Variants in SYNJ2BP observed in about 807,000 individuals in gnomAD.
SYNJ2BP encodes synaptojanin 2 binding protein.
SYNJ2BP carries 10 observed loss-of-function variants against 16.9 expected under a neutral mutation model. That is an observed-to-expected ratio of 0.59 (90% confidence interval 0.36 to 1.00). The LOEUF is 1.00. SYNJ2BP is among the 50% of genes least tolerant of loss of function. The pLI, the probability that SYNJ2BP is intolerant of heterozygous loss-of-function variation, is 0.01. For synonymous variants in SYNJ2BP, 54 were observed against 68.4 expected (o/e 0.79, Z 1.04); for missense variants, 162 against 186.7 (o/e 0.87, Z 0.77).
chr14:70,391,528 G>A (rs1887980507), intron 1 of SYNJ2BP, among the ~76,000 whole-genome samples: 1 of 152,140 alleles, frequency 6.6e-6, no homozygotes, highest in African/African-American at 2.4e-5. Context: ...TGAACAAGGG[G>A]GCCAAGGCCA....
At position 70,387,830 on chromosome 14, in the gene SYNJ2BP, CA is replaced by C. The variant is rs1224467128; in HGVS notation, c.201+639del. On this transcript the variant is annotated intron_variant, in intron 2 of 3. Transcript: ENST00000256366. Reference sequence around the variant, plus strand: ...TGGGTGACAGAGCAAGAATCTATCTCAAAAAAAAAAAAAAAAGGATCTTTTC... The same window carrying C: ...TGGGTGACAGAGCAAGAATCTATCTCAAAAAAAAAAAAAAAGGATCTTTTC... 5.3e-3 allele frequency among the ~76,000 whole-genome samples: 521 copies of C among 98,198 alleles called. 2 individuals are homozygous for C. The highest frequency in any genetic ancestry group is 8.2e-3 in the Admixed American group (76 of 9,260). 64.4% of individuals were successfully genotyped at this position (98,198 alleles called of 152,430 possible).
intron 1 of SYNJ2BP, among the ~76,000 whole-genome samples, chr14:70,389,542 C>G (rs141731202): frequency 1.3e-5 from 2 of 152,178 alleles, no homozygotes; most frequent in African/African-American, 4.8e-5. Flanking sequence ...GGTTGAGTAT[C>G]CCTTATCCAA....
At chr14:70,407,962 C>T (rs1030815563) in intron 1 of SYNJ2BP, among the ~76,000 whole-genome samples, 1 of 152,096 alleles carries the variant, frequency 6.6e-6, no homozygotes, top group Non-Finnish European at 1.5e-5. Context: ...CAATATAGTA[C>T]CTAGTACATA....
chr14:70,395,710 G>C (rs892711551), intron 1 of SYNJ2BP, among the ~76,000 whole-genome samples: 7 of 152,028 alleles, frequency 4.6e-5, no homozygotes, highest in African/African-American at 1.7e-4. Flanking sequence ...TCACAATGTC[G>C]TATAATCATC....
At chr14:70,378,087 T>C (rs1887671443) in intron 2 of SYNJ2BP, among the ~76,000 whole-genome samples, 1 of 97,830 alleles carries the variant, frequency 1.0e-5, no homozygotes, top group South Asian at 4.2e-4. Flanking sequence ...TATCTTGGCA[T>C]ATGAACACTT....
chr14:70,414,368 G>A (rs1401117065), intron 1 of SYNJ2BP, among the ~76,000 whole-genome samples: 1 of 152,144 alleles, frequency 6.6e-6, no homozygotes, highest in Non-Finnish European at 1.5e-5. Context: ...ATAAATATGT[G>A]ATACAGAAAT....
intron 1 of SYNJ2BP, among the ~76,000 whole-genome samples, chr14:70,399,606 C>A (rs1888190812): frequency 6.6e-6 from 1 of 152,234 alleles, no homozygotes. Flanking sequence ...CGCAGCCACT[C>A]CTGCTGTCAC....
rs539802773 is a variant in SYNJ2BP, at chr14:70,416,321, T to C, written c.64+579A>G. On this transcript the variant is annotated intron_variant, in intron 1 of 3. Coordinates refer to ENST00000256366, the MANE Select transcript of SYNJ2BP (RefSeq NM_018373.3). ...TAAGATTTAACTTTTTATTTTCTTT[T>C]TTTTTTTTTTTTTTAAAGCCCTGGG... Among the ~76,000 whole-genome samples, 449 of 148,216 alleles carry C rather than the reference T, an allele frequency of 3.0e-3. 3 individuals are homozygous for C. Among genetic ancestry groups the C allele is most frequent in the Non-Finnish European group, 5.1e-3 (342 of 66,990 alleles).
chr14:70,399,889 G>A (rs181782445), intron 1 of SYNJ2BP, among the ~76,000 whole-genome samples: 48 of 152,240 alleles, frequency 3.2e-4, no homozygotes, highest in Non-Finnish European at 5.9e-4. Context: ...GCCATCATCC[G>A]AGGCTCCATT....
At position 70,388,569 on chromosome 14, in the gene SYNJ2BP, C is replaced by A; in HGVS notation, c.102G>T (p.Gln34His). The change falls in exon 2 of 4, where the codon CAG becomes CAT. Residue 34 changes from glutamine to histidine, a missense_variant. Coordinates refer to ENST00000256366, the MANE Select transcript of SYNJ2BP (RefSeq NM_018373.3). ...GFNIVGGTDQ[Q>H]YVSNDSGIYV... The stretch of plus-strand genomic sequence containing the variant: ...AGATGCCACTGTCGTTGGAGACATA[C>A]TGCTGATCTGTCCCACCGACGATGT... 1 of 1,587,256 alleles carries A rather than the reference C, an allele frequency of 6.3e-7. No homozygotes were observed. The highest frequency in any genetic ancestry group is 8.6e-7 in the Non-Finnish European group (1 of 1,167,456).
chr14:70,396,092 A>G (rs1888086554), intron 1 of SYNJ2BP, among the ~76,000 whole-genome samples: 1 of 152,054 alleles, frequency 6.6e-6, no homozygotes, highest in South Asian at 2.1e-4. Context: ...TGGTGTACAA[A>G]TATCTGTTTT....
Position 70,415,505 on chromosome 14 carries a change from C to T in SYNJ2BP, c.64+1395G>A, listed in dbSNP as rs556761217. On this transcript the variant is annotated intron_variant, in intron 1 of 3. Coordinates refer to ENST00000256366, the MANE Select transcript of SYNJ2BP (RefSeq NM_018373.3). ...GGGAGAGGCTGCAGTGGGCTGAGATCGTGCCACTGCACTCTAGCCTGGGCA... is the reference window on the plus strand; with the variant it reads ...GGGAGAGGCTGCAGTGGGCTGAGATTGTGCCACTGCACTCTAGCCTGGGCA... Among the ~76,000 whole-genome samples the T allele has an allele frequency of 3.9e-4, 58 of 146,860 alleles. 1 individual carries two copies. The highest frequency in any genetic ancestry group is 5.1e-4 in the Non-Finnish European group (34 of 67,168).
chr14:70,398,510 G>A (rs1195920474), intron 1 of SYNJ2BP, among the ~76,000 whole-genome samples: 1 of 152,208 alleles, frequency 6.6e-6, no homozygotes, highest in African/African-American at 2.4e-5. Context: ...TGGTGTGTCA[G>A]CACTGCCCTA....
chr14:70,396,121 CT>C (rs543793364), intron 1 of SYNJ2BP, among the ~76,000 whole-genome samples: 1 of 151,930 alleles, frequency 6.6e-6, no homozygotes, highest in Non-Finnish European at 1.5e-5. Flanking sequence ...TCCTGCAATT[CT>C]TTTTTTTATT....
intron 1 of SYNJ2BP, among the ~76,000 whole-genome samples, chr14:70,401,525 CTTT>C (rs71105709): frequency 3.2e-5 from 4 of 126,886 alleles, no homozygotes; most frequent in African/African-American, 9.0e-5. Context: ...TGGTTCTTGG[CTTT>C]TTTTTTTTTT....
chr14:70,388,399 G>A, intron 2 of SYNJ2BP, 71 bp downstream of exon 2: 3 of 1,399,798 alleles, frequency 2.1e-6, no homozygotes, highest in Non-Finnish European at 2.8e-6. Context: ...TCAAGGAAAA[G>A]GGATAGGGAG....
rs1274190989 is a variant in SYNJ2BP, at chr14:70,372,908, G to C, written c.*83C>G. On this transcript the variant is annotated 3_prime_UTR_variant, in exon 4 of 4. Coordinates refer to ENST00000256366, the MANE Select transcript of SYNJ2BP (RefSeq NM_018373.3). The stretch of plus-strand genomic sequence containing the variant: ...CACTTCAAATCTGGCTATGCAGAGA[G>C]AGGGAAAGACATGGCAGAATAGCAG... 6.4e-7 allele frequency: 1 copy of C among 1,572,582 alleles called. No individual in the cohort carries two copies.
At chr14:70,394,399 C>T (rs1285700474) in intron 1 of SYNJ2BP, among the ~76,000 whole-genome samples, 1 of 148,364 alleles carries the variant, frequency 6.7e-6, no homozygotes, top group Non-Finnish European at 1.5e-5. Context: ...CAGCTCTTAG[C>T]ATTTAAGGTC....
chr14:70,390,690 C>A (rs1034216219), intron 1 of SYNJ2BP, among the ~76,000 whole-genome samples: 1 of 151,308 alleles, frequency 6.6e-6, no homozygotes, highest in Non-Finnish European at 1.5e-5. Flanking sequence ...AAAAAAGAGA[C>A]ATATGCGGGC....
Sources: allele counts gnomAD v4.1 joint callset (sites outside exome capture counted in the v4.1 genomes callset), GRCh38; gene constraint gnomAD v4.1.1; transcripts MANE v1.5; gene names NCBI Gene and HGNC (gene_info 2026-07-23, HGNC 2026-07-21).